Variants in AGBL4 observed in about 807,000 individuals in gnomAD.
AGBL4 encodes AGBL carboxypeptidase 4.
AGBL4 carries 58 observed loss-of-function variants against 66.4 expected under a neutral mutation model. The observed-to-expected ratio is 0.87, with a 90% CI of 0.71 to 1.09. The LOEUF (loss-of-function observed/expected upper bound fraction) is 1.09. AGBL4 is among the 50% of genes least tolerant of loss of function. The pLI is 0.00. For synonymous variants in AGBL4, 234 were observed against 222.9 expected, an observed-to-expected ratio of 1.05 and a Z score of -0.44; for missense variants, 579 against 631.0, an observed-to-expected ratio of 0.92 and a Z score of 0.88.
chr1:49,903,165 A>G (rs1649939490), intron 1 of AGBL4, among the ~76,000 whole-genome samples: 2 of 152,206 alleles, frequency 1.3e-5, no homozygotes, highest in African/African-American at 2.4e-5. Flanking sequence ...ACCTAGCCAT[A>G]AAAAAGAATG....
intron 3 of AGBL4, among the ~76,000 whole-genome samples, chr1:49,586,217 C>T (rs1403481118): frequency 6.6e-6 from 1 of 152,044 alleles, no homozygotes; most frequent in African/African-American, 2.4e-5. Flanking sequence ...AAAAAAACAC[C>T]GAGTTCCAGG....
intron 3 of AGBL4, among the ~76,000 whole-genome samples, chr1:49,556,814 G>C (rs1294223368): frequency 3.3e-5 from 5 of 152,104 alleles, no homozygotes; most frequent in Admixed American, 6.5e-5. Context: ...GAGGGCTTGG[G>C]CATGGCAGGC....
At chr1:49,783,937 A>T (rs1000519269) in intron 2 of AGBL4, among the ~76,000 whole-genome samples, 1 of 152,146 alleles carries the variant, frequency 6.6e-6, no homozygotes, top group South Asian at 2.1e-4. Context: ...AAATTTAACA[A>T]AATAAATGTA....
chr1:49,024,354 C>T (rs1663478684), intron 5 of AGBL4, among the ~76,000 whole-genome samples: 2 of 152,206 alleles, frequency 1.3e-5, no homozygotes, highest in South Asian at 2.1e-4. Context: ...TCCAATATGC[C>T]ATGCTCTCAC....
At position 48,533,385 on chromosome 1, in the gene AGBL4, T is replaced by TC. The variant is rs1643921090; in HGVS notation, c.*787dup. The TC allele has an allele frequency of 6.6e-6, 1 of 152,238 alleles. No homozygotes were observed. The highest frequency in any genetic ancestry group is 2.4e-5 in the African/African-American group (1 of 41,460). 9.4% of individuals were successfully genotyped at this position (152,238 alleles called of 1,614,324 possible). ...CTTTTGCATCTTCCTTGCCTGGCAA[T>TC]CACCCTTTCCTCATTGCAGATTAGC... On this transcript the variant is annotated 3_prime_UTR_variant, in exon 14 of 14. Transcript: ENST00000371839.
At chr1:49,013,836 G>A (rs973800859) in intron 5 of AGBL4, among the ~76,000 whole-genome samples, 5 of 152,124 alleles carry the variant, frequency 3.3e-5, no homozygotes, top group East Asian at 1.9e-4. Context: ...AGTACATGGC[G>A]TCCAGGTTCC....
At chr1:49,982,302 C>T (rs1310929952) in intron 1 of AGBL4, among the ~76,000 whole-genome samples, 1 of 152,220 alleles carries the variant, frequency 6.6e-6, no homozygotes, top group East Asian at 1.9e-4. Flanking sequence ...CAGGTAGAAG[C>T]CCTCTGCCCT....
At chr1:49,735,467 G>A (rs1571435279) in intron 2 of AGBL4, among the ~76,000 whole-genome samples, 1 of 151,344 alleles carries the variant, frequency 6.6e-6, no homozygotes, top group South Asian at 2.1e-4. Flanking sequence ...TGATCCTCCA[G>A]AAGAAATGTG....
intron 5 of AGBL4, among the ~76,000 whole-genome samples, chr1:49,008,735 G>A (rs1247161971): frequency 2.3e-4 from 31 of 136,528 alleles, no homozygotes; most frequent in African/African-American, 6.6e-4. Flanking sequence ...ACTCAAAACC[G>A]CTCAACTACA....
intron 3 of AGBL4, among the ~76,000 whole-genome samples, chr1:49,572,807 C>T (rs146797901): frequency 1.9e-3 from 282 of 152,148 alleles, no homozygotes; most frequent in African/African-American, 6.4e-3. Context: ...GTGTCTGTGA[C>T]GGTACTGCCA....
chr1:49,431,045 G>C (rs1226109731), intron 3 of AGBL4, among the ~76,000 whole-genome samples: 1 of 152,134 alleles, frequency 6.6e-6, no homozygotes, highest in Non-Finnish European at 1.5e-5. Context: ...ATTGCTGATG[G>C]ACATTGAGGT....
chr1:50,017,557 A>G (rs1374390544), intron 1 of AGBL4: 1 of 152,198 alleles, frequency 6.6e-6, no homozygotes. Flanking sequence ...AAGCCATATA[A>G]AGAAACAAGA....
At chr1:49,049,796 C>A (rs1185327308) in intron 4 of AGBL4, among the ~76,000 whole-genome samples, 5 of 151,804 alleles carry the variant, frequency 3.3e-5, no homozygotes, top group African/African-American at 1.2e-4. Context: ...CTTCTGATTC[C>A]ATTTAACACA....
intron 2 of AGBL4, among the ~76,000 whole-genome samples, chr1:49,747,426 A>G (rs1041729037): frequency 6.6e-6 from 1 of 152,182 alleles, no homozygotes; most frequent in South Asian, 2.1e-4. Context: ...GATAAATATA[A>G]CATAAGAAAT....
Position 49,943,305 on chromosome 1 carries a change from G to A in AGBL4, c.34+80458C>T, listed in dbSNP as rs183494379. Among the ~76,000 whole-genome samples, 29 of 152,266 alleles carry A rather than the reference G, an allele frequency of 1.9e-4. No individual in the cohort carries two copies. In the East Asian group the frequency reaches 5.2e-3, roughly 27 times the overall value. On this transcript the variant is annotated intron_variant, in intron 1 of 13. Coordinates refer to ENST00000371839, the MANE Select transcript of AGBL4 (RefSeq NM_032785.4). ...AGGAGTAGATTGCAGTTCCCACTCC[G>A]ATGGACAGAGCAGCATGTGAAGTAC... is the stretch of plus-strand genomic sequence containing the variant.
intron 11 of AGBL4, among the ~76,000 whole-genome samples, chr1:48,574,912 G>C (rs1226985806): frequency 6.6e-6 from 1 of 152,178 alleles, no homozygotes; most frequent in Non-Finnish European, 1.5e-5. Context: ...GCGTCTTTCT[G>C]AAAGAAAGGG....
At chr1:49,792,841 T>G (rs754415275) in intron 2 of AGBL4, among the ~76,000 whole-genome samples, 19 of 152,016 alleles carry the variant, frequency 1.2e-4, no homozygotes, top group Non-Finnish European at 2.7e-4. Flanking sequence ...TAAAACAGAC[T>G]TAAGCTTTAA....
At chr1:49,503,650 A>T (rs528756540) in intron 3 of AGBL4, among the ~76,000 whole-genome samples, 26 of 152,296 alleles carry the variant, frequency 1.7e-4, no homozygotes, top group African/African-American at 5.3e-4. Flanking sequence ...GATGTGAGAC[A>T]TGGAGTCAAA....
intron 2 of AGBL4, among the ~76,000 whole-genome samples, chr1:49,771,374 T>A (rs1644053648): frequency 6.6e-6 from 1 of 152,136 alleles, no homozygotes. Context: ...TGATATGGCA[T>A]CTATTTTCTT....
Sources: allele counts gnomAD v4.1 joint callset (sites outside exome capture counted in the v4.1 genomes callset), GRCh38; gene constraint gnomAD v4.1.1; transcripts MANE v1.5; gene names NCBI Gene and HGNC (gene_info 2026-07-23, HGNC 2026-07-21).